The following RSRC1 variants were observed in gnomAD, a reference collection of about 807,000 sequenced individuals.
RSRC1 encodes serine/Arginine-related protein 53.
A neutral mutation model predicts 49.1 loss-of-function variants in RSRC1; 39 were observed. The observed-to-expected ratio is 0.79, with a 90% CI of 0.61 to 1.04. RSRC1 has a LOEUF of 1.04. Ranked by LOEUF, RSRC1 falls within the 50% of genes least tolerant of loss-of-function variation. The pLI, the probability that RSRC1 is intolerant of heterozygous loss-of-function variation, is 0.00. For synonymous variants in RSRC1, 143 were observed against 130.8 expected, an observed-to-expected ratio of 1.09 and a Z score of -0.63; for missense variants, 388 against 402.4, an observed-to-expected ratio of 0.96 and a Z score of 0.31.
At chr3:158,210,158 A>C (rs1047442087) in intron 4 of RSRC1, among the ~76,000 whole-genome samples, 5 of 152,066 alleles carry the variant, frequency 3.3e-5, no homozygotes, top group African/African-American at 1.2e-4. Context: ...CTATTTGCAT[A>C]TAGGTTATAG....
At position 158,293,017 on chromosome 3, in the gene RSRC1, A is replaced by G. The variant is rs118151394; in HGVS notation, c.495-5022A>G. ...TTTGTGTTGTATTTATGTACTCATGATACTTTACCTGTGTTGTTTTGAGGT... is the reference window on the plus strand; with the variant it reads ...TTTGTGTTGTATTTATGTACTCATGGTACTTTACCTGTGTTGTTTTGAGGT... On this transcript the variant is annotated intron_variant, in intron 4 of 9. Transcript: ENST00000611884. 5.6e-4 allele frequency among the ~76,000 whole-genome samples: 85 copies of G among 152,260 alleles called. No individual in the cohort carries two copies. In the East Asian group the frequency reaches 0.016, roughly 29 times the overall value.
chr3:158,243,401 CTG>C (rs1723707325), intron 4 of RSRC1, among the ~76,000 whole-genome samples: 2 of 152,092 alleles, frequency 1.3e-5, no homozygotes, highest in Non-Finnish European at 2.9e-5. Flanking sequence ...TTCCATTGGT[CTG>C]TGTGTCTGTT....
chr3:158,518,478 C>T (rs1214389382), intron 7 of RSRC1, among the ~76,000 whole-genome samples: 3 of 150,770 alleles, frequency 2.0e-5, no homozygotes, highest in African/African-American at 7.3e-5. Flanking sequence ...GTGATCTCAA[C>T]AATACATTTA....
chr3:158,372,800 C>CT (rs1393388849), intron 6 of RSRC1, among the ~76,000 whole-genome samples: 1 of 151,830 alleles, frequency 6.6e-6, no homozygotes, highest in African/African-American at 2.4e-5. Flanking sequence ...GAATTGGCAT[C>CT]TTAACATATT....
intron 6 of RSRC1, among the ~76,000 whole-genome samples, chr3:158,396,963 A>C (rs1487583645): frequency 6.6e-6 from 1 of 152,150 alleles, no homozygotes; most frequent in South Asian, 2.1e-4. Context: ...ACAGTTTAGA[A>C]AGGTCAAACA....
At chr3:158,219,940 G>A (rs976327302) in intron 4 of RSRC1, among the ~76,000 whole-genome samples, 4 of 151,598 alleles carry the variant, frequency 2.6e-5, no homozygotes, top group African/African-American at 9.7e-5. Context: ...ATGAAATGAG[G>A]AAAAGAAGCT....
intron 6 of RSRC1, among the ~76,000 whole-genome samples, chr3:158,438,127 C>T (rs1009728943): frequency 1.3e-5 from 2 of 152,106 alleles, no homozygotes; most frequent in Admixed American, 6.6e-5. Flanking sequence ...TGAAGGACCT[C>T]TTCAAGGAGA....
intron 6 of RSRC1, among the ~76,000 whole-genome samples, chr3:158,357,845 GC>G (rs900594230): frequency 5.3e-5 from 8 of 152,232 alleles, no homozygotes; most frequent in Admixed American, 2.6e-4. Flanking sequence ...CAGGCCTTAT[GC>G]TAGATTCTTG....
At chr3:158,288,952 T>C (rs1726753143) in intron 4 of RSRC1, among the ~76,000 whole-genome samples, 1 of 150,696 alleles carries the variant, frequency 6.6e-6, no homozygotes, top group Non-Finnish European at 1.5e-5. Flanking sequence ...TTTTAACATC[T>C]AAGGCATAGA....
intron 3 of RSRC1, among the ~76,000 whole-genome samples, chr3:158,198,071 A>G (rs549367507): frequency 2.0e-4 from 30 of 152,128 alleles, no homozygotes; most frequent in African/African-American, 4.6e-4. Flanking sequence ...TCGTTGATCT[A>G]TCTAATGTTG....
chr3:158,276,697 T>C (rs1420923255), intron 4 of RSRC1, among the ~76,000 whole-genome samples: 1 of 152,180 alleles, frequency 6.6e-6, no homozygotes, highest in African/African-American at 2.4e-5. Flanking sequence ...CCTTTTTTGA[T>C]AGCAGACTAA....
chr3:158,151,461 C>G (rs1316143811), intron 3 of RSRC1, among the ~76,000 whole-genome samples: 1 of 152,122 alleles, frequency 6.6e-6, no homozygotes. Context: ...GGTCAGAAAG[C>G]TTTTGTAGTG....
intron 6 of RSRC1, among the ~76,000 whole-genome samples, chr3:158,402,148 G>A (rs1733925309): frequency 6.6e-6 from 1 of 151,928 alleles, no homozygotes; most frequent in Non-Finnish European, 1.5e-5. Context: ...ATTATAGCTA[G>A]AGTTTAATTA....
At chr3:158,222,400 T>G (rs1410237383) in intron 4 of RSRC1, among the ~76,000 whole-genome samples, 3 of 151,552 alleles carry the variant, frequency 2.0e-5, no homozygotes, top group African/African-American at 7.3e-5. Flanking sequence ...AGAGTAGATA[T>G]TAGGTGTTTT....
At position 158,455,872 on chromosome 3, in the gene RSRC1, C is replaced by T. The variant is rs188044582; in HGVS notation, c.584-5063C>T. Among the ~76,000 whole-genome samples the T allele has an allele frequency of 3.3e-5, 5 of 150,284 alleles. No homozygotes were observed. The East Asian group carries it at 7.9e-4, about 24-fold the overall frequency. ...GTGCATGCCTGTAATCCCAGCTACT[C>T]GAGAGGCTGAGGCAGGAGAATCGCT... On this transcript the variant is annotated intron_variant, in intron 6 of 9. Coordinates refer to ENST00000611884, the MANE Select transcript of RSRC1 (RefSeq NM_001271838.2).
At chr3:158,296,525 T>G (rs1487908287) in intron 4 of RSRC1, among the ~76,000 whole-genome samples, 2 of 152,074 alleles carry the variant, frequency 1.3e-5, no homozygotes, top group South Asian at 2.1e-4. Flanking sequence ...TGGTTTAAAT[T>G]TTAAGTTATA....
intron 3 of RSRC1, among the ~76,000 whole-genome samples, chr3:158,127,723 G>A (rs1334466705): frequency 6.9e-6 from 1 of 144,846 alleles, no homozygotes; most frequent in Admixed American, 6.8e-5. Context: ...CTTTGATTGG[G>A]CTAGGTTTCC....
At chr3:158,443,550 T>A (rs1736501456) in intron 6 of RSRC1, among the ~76,000 whole-genome samples, 1 of 152,220 alleles carries the variant, frequency 6.6e-6, no homozygotes, top group African/African-American at 2.4e-5. Context: ...TGGATTAGGC[T>A]TTTGGCTAAG....
intron 6 of RSRC1, among the ~76,000 whole-genome samples, chr3:158,439,685 G>A (rs1736269099): frequency 6.6e-6 from 1 of 152,046 alleles, no homozygotes; most frequent in Non-Finnish European, 1.5e-5. Context: ...GCTAGGAGAG[G>A]GATAGCATTA....
Sources: gnomAD v4.1 joint callset for allele counts (sites outside exome capture counted in the v4.1 genomes callset) on GRCh38, gnomAD v4.1.1 for gene constraint, MANE v1.5 for transcripts, NCBI Gene and HGNC (gene_info 2026-07-23, HGNC 2026-07-21) for gene names.